The following C8orf34 variants were observed in gnomAD, a reference collection of about 807,000 sequenced individuals.
C8orf34 encodes chromosome 8 open reading frame 34.
Under a neutral mutation model 68.3 loss-of-function variants are expected in C8orf34, and 65 were observed. The ratio of observed to expected loss-of-function variants is 0.95; its 90% CI spans 0.78 to 1.17. The LOEUF (loss-of-function observed/expected upper bound fraction) is 1.17, where lower values mean the gene tolerates loss of function less well. Among genes scored for constraint, C8orf34 ranks in the 50% most tolerant of loss-of-function variants. The probability of loss-of-function intolerance (pLI) is 0.00; values close to 1 mark genes in which losing one functional copy is unlikely to be tolerated. For synonymous variants in C8orf34, 244 were observed against 241.2 expected (o/e 1.01, Z -0.11); for missense variants, 664 against 655.4 (o/e 1.01, Z -0.14).
intron 1 of C8orf34, among the ~76,000 whole-genome samples, chr8:68,410,286 G>T (rs1428840548): frequency 1.3e-5 from 2 of 152,044 alleles, no homozygotes; most frequent in Non-Finnish European, 2.9e-5. Flanking sequence ...CTCTGTACCT[G>T]TGGGCTCTGC....
intron 8 of C8orf34, among the ~76,000 whole-genome samples, chr8:68,690,573 C>CA: frequency 6.6e-6 from 1 of 151,978 alleles, no homozygotes; most frequent in Middle Eastern, 3.4e-3. Flanking sequence ...TGAATGGGGT[C>CA]AACAGTTCCC....
intron 10 of C8orf34, among the ~76,000 whole-genome samples, chr8:68,723,066 A>C (rs1821720482): frequency 6.6e-6 from 1 of 152,080 alleles, no homozygotes; most frequent in African/African-American, 2.4e-5. Flanking sequence ...GTTAAAAAAC[A>C]GTGATATCAG....
chr8:68,419,933 C>G (rs1197586912), intron 1 of C8orf34, among the ~76,000 whole-genome samples: 2 of 144,908 alleles, frequency 1.4e-5, no homozygotes, highest in Admixed American at 1.4e-4. Context: ...ACATATGTAA[C>G]TAACCTGCAC....
chr8:68,711,226 G>C (rs1243094477), intron 9 of C8orf34, among the ~76,000 whole-genome samples: 1 of 152,028 alleles, frequency 6.6e-6, no homozygotes, highest in Non-Finnish European at 1.5e-5. Flanking sequence ...TAAGGAACCA[G>C]TAAAACAATT....
intron 7 of C8orf34, among the ~76,000 whole-genome samples, chr8:68,604,766 T>C (rs1817805473): frequency 1.3e-5 from 2 of 152,050 alleles, no homozygotes; most frequent in African/African-American, 2.4e-5. Context: ...GAAAATAACA[T>C]AGTAGAAAAT....
intron 3 of C8orf34, among the ~76,000 whole-genome samples, chr8:68,451,190 G>A (rs1811328647): frequency 6.6e-6 from 1 of 152,082 alleles, no homozygotes. Flanking sequence ...GAATTGAGGA[G>A]AGTTAGGACC....
intron 1 of C8orf34, among the ~76,000 whole-genome samples, chr8:68,356,213 G>C (rs1470834859): frequency 6.6e-6 from 1 of 152,156 alleles, no homozygotes; most frequent in Non-Finnish European, 1.5e-5. Context: ...GTCACTACAA[G>C]TCTGAGAATA....
rs550453515 is a variant in C8orf34 at position 68,564,702 on chromosome 8, A to G, written c.1105+31553A>G. On this transcript the variant is annotated intron_variant, in intron 7 of 13. Transcript: ENST00000518698. ...AAAGGCAGAGAGCAAAAGAGAGCCA[A>G]TGTCAGGTGACGGGAAAGATAACAG... 3.3e-5 allele frequency among the ~76,000 whole-genome samples: 5 copies of G among 152,328 alleles called. No homozygotes were observed. The South Asian group carries it at 1.0e-3, about 32-fold the overall frequency.
chr8:68,413,381 G>A (rs901061291), intron 1 of C8orf34, among the ~76,000 whole-genome samples: 27 of 152,328 alleles, frequency 1.8e-4, no homozygotes, highest in African/African-American at 5.8e-4. Flanking sequence ...GCAGCACAGA[G>A]TGCTTGAGTT....
At chr8:68,811,335 C>T (rs978161091) in intron 12 of C8orf34, among the ~76,000 whole-genome samples, 1 of 152,218 alleles carries the variant, frequency 6.6e-6, no homozygotes, top group Non-Finnish European at 1.5e-5. Flanking sequence ...CAGTCACTTC[C>T]GAGCCTGCAG....
chr8:68,771,820 T>G (rs978547900), intron 10 of C8orf34, among the ~76,000 whole-genome samples: 1 of 152,236 alleles, frequency 6.6e-6, no homozygotes, highest in African/African-American at 2.4e-5. Context: ...CTCTGACTTT[T>G]TCCCATAGCA....
rs1268501716 is a variant in C8orf34, at chr8:68,587,863, CAG to C, written c.1106-52503_1106-52502del. Among the ~76,000 whole-genome samples the C allele has an allele frequency of 2.6e-5, 4 of 151,928 alleles. No individual in the cohort carries two copies. In the South Asian group the frequency reaches 6.2e-4, roughly 24 times the overall value. On this transcript the variant is annotated intron_variant, in intron 7 of 13. Coordinates refer to ENST00000518698, the MANE Select transcript of C8orf34 (RefSeq NM_052958.4). ...GAAGAATGTGAGAAAGGTCATGAGACAGAGAGAGAGAATGTGAATGCAGATGT... is the reference window on the plus strand; with the variant it reads ...GAAGAATGTGAGAAAGGTCATGAGACAGAGAGAGAATGTGAATGCAGATGT...
chr8:68,810,507 CTTCTCTA>C (rs1229914443), intron 12 of C8orf34, among the ~76,000 whole-genome samples: 4 of 152,190 alleles, frequency 2.6e-5, no homozygotes, highest in Non-Finnish European at 5.9e-5. Context: ...CTCCTTCTCT[CTTCTCTA>C]CTTCTCGTAG....
intron 7 of C8orf34, among the ~76,000 whole-genome samples, chr8:68,574,382 C>T (rs1816843479): frequency 1.3e-5 from 2 of 151,962 alleles, no homozygotes; most frequent in Non-Finnish European, 2.9e-5. Context: ...TATTCACCTA[C>T]CTGACATATT....
At chr8:68,637,699 A>T (rs1340600222) in intron 7 of C8orf34, among the ~76,000 whole-genome samples, 1 of 152,182 alleles carries the variant, frequency 6.6e-6, no homozygotes, top group Non-Finnish European at 1.5e-5. Context: ...AATTACATAG[A>T]TTCTAATTAG....
rs546948532 is a variant in C8orf34, at chr8:68,342,119, T to C, written c.327+10780T>C. ...TGATAAGTATGTGAGGTAACAGATA[T>C]GTTAATCAGCATGATTTTGTCATTT... On this transcript the variant is annotated intron_variant, in intron 1 of 13. Coordinates refer to ENST00000518698, the MANE Select transcript of C8orf34 (RefSeq NM_052958.4). 1.0e-3 allele frequency among the ~76,000 whole-genome samples: 157 copies of C among 152,338 alleles called. 1 individual carries two copies. Among genetic ancestry groups the C allele is most frequent in the Middle Eastern group, 3.4e-3 (1 of 294 alleles).
intron 1 of C8orf34, among the ~76,000 whole-genome samples, chr8:68,421,300 G>A (rs1809959607): frequency 6.6e-6 from 1 of 152,202 alleles, no homozygotes; most frequent in Non-Finnish European, 1.5e-5. Flanking sequence ...ATAACTATGT[G>A]ATGAATTTCC....
At chr8:68,409,899 C>G (rs1007467079) in intron 1 of C8orf34, among the ~76,000 whole-genome samples, 1 of 152,130 alleles carries the variant, frequency 6.6e-6, no homozygotes, top group African/African-American at 2.4e-5. Flanking sequence ...CAAATACTTA[C>G]CACTGTGTAA....
chr8:68,495,776 T>C (rs1393985678), intron 5 of C8orf34, among the ~76,000 whole-genome samples: 2 of 152,228 alleles, frequency 1.3e-5, no homozygotes, highest in African/African-American at 4.8e-5. Flanking sequence ...ACTCTCAATC[T>C]GTGCAATTGG....
Sources: allele counts gnomAD v4.1 joint callset (sites outside exome capture counted in the v4.1 genomes callset), GRCh38; gene constraint gnomAD v4.1.1; transcripts MANE v1.5; gene names NCBI Gene and HGNC (gene_info 2026-07-23, HGNC 2026-07-21).